MTUS2: variants seen among roughly 807,000 people sequenced by gnomAD.
MTUS2 encodes microtubule-associated tumor suppressor candidate 2.
MTUS2 carries 40 observed loss-of-function variants against 114.1 expected under a neutral mutation model. That is an observed-to-expected ratio of 0.35 (90% confidence interval 0.27 to 0.46). The LOEUF is 0.46. MTUS2 is among the 20% of genes least tolerant of loss of function. The pLI is 1.00. For missense variants in MTUS2, 1,679 were observed against 1,705.4 expected (o/e 0.98, Z 0.27); for synonymous variants, 688 against 672.0 (o/e 1.02, Z -0.37).
At chr13:29,436,817 T>C (rs1317161803) in intron 8 of MTUS2, among the ~76,000 whole-genome samples, 1 of 59,892 alleles carries the variant, frequency 1.7e-5, no homozygotes, top group East Asian at 5.7e-4. Context: ...TTTCTTTTCT[T>C]GCTTTTTTTT....
At chr13:29,487,233 G>A (rs1053729239) in intron 10 of MTUS2, among the ~76,000 whole-genome samples, 2 of 152,130 alleles carry the variant, frequency 1.3e-5, no homozygotes, top group Admixed American at 1.3e-4. Context: ...ATCCTAAGGT[G>A]TTCGTTGCTA....
At chr13:29,205,230 A>G (rs752245332) in intron 5 of MTUS2, among the ~76,000 whole-genome samples, 8 of 152,176 alleles carry the variant, frequency 5.3e-5, no homozygotes, top group Non-Finnish European at 1.2e-4. Flanking sequence ...TCTAGGATGG[A>G]TGATAATGTC....
chr13:29,125,079 ATTATATTATGTGAATT>A (rs1356298918), intron 5 of MTUS2, among the ~76,000 whole-genome samples: 2 of 152,212 alleles, frequency 1.3e-5, no homozygotes, highest in African/African-American at 4.8e-5. Flanking sequence ...AAATAGTAAA[ATTATATTATGTGAATT>A]TTACCACAGT....
At chr13:28,941,824 T>C (rs995097302) in intron 2 of MTUS2, among the ~76,000 whole-genome samples, 2 of 152,226 alleles carry the variant, frequency 1.3e-5, no homozygotes, top group East Asian at 3.8e-4. Context: ...TTAAAATTCA[T>C]TGGGCTATCT....
At chr13:29,199,680 G>T (rs1380329781) in intron 5 of MTUS2, among the ~76,000 whole-genome samples, 1 of 151,922 alleles carries the variant, frequency 6.6e-6, no homozygotes, top group Non-Finnish European at 1.5e-5. Flanking sequence ...GCCAGGTTTT[G>T]GTATCAGGAT....
At chr13:28,910,918 C>T (rs1366809714) in intron 2 of MTUS2, among the ~76,000 whole-genome samples, 1 of 108,142 alleles carries the variant, frequency 9.2e-6, no homozygotes, top group Non-Finnish European at 1.7e-5. Flanking sequence ...CTCTGTTGTG[C>T]AGACTGGAGT....
intron 8 of MTUS2, among the ~76,000 whole-genome samples, chr13:29,389,701 A>G (rs1269558672): frequency 1.4e-5 from 2 of 144,808 alleles, no homozygotes; most frequent in African/African-American, 5.1e-5. Flanking sequence ...ATATGTGTAT[A>G]TGTGTATATG....
At chr13:29,104,064 G>T (rs1354369703) in intron 5 of MTUS2, among the ~76,000 whole-genome samples, 1 of 152,108 alleles carries the variant, frequency 6.6e-6, no homozygotes, top group African/African-American at 2.4e-5. Context: ...GACCATTTGG[G>T]GTCTCAGCTG....
At chr13:29,270,019 CAG>C (rs1897820185) in intron 5 of MTUS2, among the ~76,000 whole-genome samples, 2 of 152,036 alleles carry the variant, frequency 1.3e-5, no homozygotes, top group Non-Finnish European at 1.5e-5. Context: ...CTCATAGAAG[CAG>C]AGAGTGGAAT....
At chr13:28,964,933 T>C (rs1883511920) in intron 2 of MTUS2, among the ~76,000 whole-genome samples, 1 of 151,826 alleles carries the variant, frequency 6.6e-6, no homozygotes, top group Non-Finnish European at 1.5e-5. Flanking sequence ...TCCCATATGC[T>C]CCCTGTTTTG....
chr13:29,113,014 T>C (rs1265692350), intron 5 of MTUS2, among the ~76,000 whole-genome samples: 1 of 152,082 alleles, frequency 6.6e-6, no homozygotes, highest in Non-Finnish European at 1.5e-5. Context: ...CCATGTGAGG[T>C]TGGAAAACAT....
chr13:29,231,907 C>T (rs1593197651), intron 5 of MTUS2, among the ~76,000 whole-genome samples: 2 of 152,162 alleles, frequency 1.3e-5, no homozygotes, highest in East Asian at 3.8e-4. Flanking sequence ...TATTTTCTCA[C>T]ATTTTTATGG....
At chr13:29,276,436 C>T (rs781630261) in intron 5 of MTUS2, among the ~76,000 whole-genome samples, 1 of 152,192 alleles carries the variant, frequency 6.6e-6, no homozygotes, top group Non-Finnish European at 1.5e-5. Flanking sequence ...AAGATGACCA[C>T]TGTTCAGCAG....
chr13:29,222,501 T>A (rs1194413040), intron 5 of MTUS2, among the ~76,000 whole-genome samples: 1 of 152,266 alleles, frequency 6.6e-6, no homozygotes, highest in Non-Finnish European at 1.5e-5. Context: ...TATGATCTTT[T>A]CTTTTTCAAG....
At chr13:29,294,676 T>C (rs1898864501) in intron 6 of MTUS2, among the ~76,000 whole-genome samples, 1 of 152,194 alleles carries the variant, frequency 6.6e-6, no homozygotes, top group Non-Finnish European at 1.5e-5. Context: ...AAAAGTCCTC[T>C]CTCAGTGGAA....
At chr13:29,342,458 T>C (rs565958960) in intron 7 of MTUS2, among the ~76,000 whole-genome samples, 3 of 152,264 alleles carry the variant, frequency 2.0e-5, no homozygotes, top group South Asian at 4.1e-4. Context: ...GATTGTCAGT[T>C]TGGTTGCTGT....
chr13:29,301,170 G>A (rs535780709), intron 6 of MTUS2, among the ~76,000 whole-genome samples: 137 of 152,278 alleles, frequency 9.0e-4, no homozygotes, highest in African/African-American at 3.2e-3. Flanking sequence ...CCCCCACCCC[G>A]AACTGTTGGT....
chr13:28,924,167 C>G (rs1192333025), intron 2 of MTUS2, among the ~76,000 whole-genome samples: 1 of 152,046 alleles, frequency 6.6e-6, no homozygotes, highest in Non-Finnish European at 1.5e-5. Context: ...GGAGGGGGGT[C>G]CTAAGCCACC....
In MTUS2 at chr13:29,503,067, G is replaced by A. The variant is rs767342697; in HGVS notation, c.3971G>A (p.Arg1324Gln). 5 of 1,614,086 alleles carry A rather than the reference G, an allele frequency of 3.1e-6. No homozygotes were observed. The highest frequency in any genetic ancestry group is 4.2e-6 in the Non-Finnish European group (5 of 1,180,048). The change falls in exon 16 of 16, where the codon CGA (arginine) becomes CAA (glutamine). Residue 1324 changes from arginine to glutamine, a missense_variant. Physicochemically the swap from Arg to Gln is conservative, Grantham distance 43 (BLOSUM62 1). This residue lies in a region of MTUS2 where 822 missense variants were observed against 899.7 expected (regional missense o/e 0.91). Transcript: ENST00000612955. ...KETQEKKRLS[R>Q]TNEELLWKLQ... Reference sequence around the variant, plus strand: ...ACCCAGGAGAAGAAGAGATTGAGCCGAACCAATGAAGAGCTGCTTTGGAAG... The same window carrying A: ...ACCCAGGAGAAGAAGAGATTGAGCCAAACCAATGAAGAGCTGCTTTGGAAG...
Sources: allele counts gnomAD v4.1 joint callset (sites outside exome capture counted in the v4.1 genomes callset), GRCh38; gene constraint gnomAD v4.1.1; regional missense constraint gnomAD v4.1.1; transcripts MANE v1.5; gene names NCBI Gene and HGNC (gene_info 2026-07-23, HGNC 2026-07-21).